The following CLCC1 variants were observed in gnomAD, a reference collection of about 807,000 sequenced individuals.
The protein encoded by CLCC1 is chloride channel CLIC-like protein 1.
A neutral mutation model predicts 63.3 loss-of-function variants in CLCC1; 39 were observed. The observed-to-expected ratio is 0.62, with a 90% CI of 0.48 to 0.81. CLCC1 has a LOEUF of 0.81. Ranked by LOEUF, CLCC1 falls within the 30% of genes least tolerant of loss-of-function variation. The pLI is 0.00. For missense variants in CLCC1, 549 were observed against 669.4 expected, an observed-to-expected ratio of 0.82 and a Z score of 1.98; for synonymous variants, 217 against 239.8, an observed-to-expected ratio of 0.90 and a Z score of 0.88.
intron 10 of CLCC1, among the ~76,000 whole-genome samples, chr1:108,939,017 C>T (rs989404354): frequency 9.9e-5 from 15 of 151,536 alleles, no homozygotes; most frequent in Admixed American, 5.9e-4. Context: ...TCTCATTAAG[C>T]GTGACTTAGC....
chr1:108,949,915 A>G lies in CLCC1; in HGVS notation c.136T>C (p.Tyr46His), dbSNP rs1233083791. 6.3e-7 allele frequency: 1 copy of G among 1,587,894 alleles called. No individual in the cohort carries two copies. Among genetic ancestry groups the G allele is most frequent in the Non-Finnish European group, 8.6e-7 (1 of 1,166,016 alleles). ...SGTMRKSQAK[Y>H]GISGEKDVSP... ...ACATCCTTTTCCCCTGAAATACCAT[A>G]TTTTGCCTAAAACAGAGTATAGAAA... Residue 46 changes from tyrosine to histidine, a missense_variant, in exon 4 of 13, where the codon TAT becomes CAT. Transcript: ENST00000369969.
intron 2 of CLCC1, among the ~76,000 whole-genome samples, chr1:108,952,797 C>CT (rs1655382158): frequency 6.8e-6 from 1 of 147,934 alleles, no homozygotes; most frequent in African/African-American, 2.5e-5. Flanking sequence ...GAGACTCTGC[C>CT]TTTAAAAAAA....
chr1:108,943,646 C>A (rs758796038), intron 6 of CLCC1, 31 bp from the exon 7 acceptor site: 4 of 1,611,316 alleles, frequency 2.5e-6, no homozygotes, highest in Non-Finnish European at 3.4e-6. Context: ...AAATCAGCCA[C>A]CAAAAACACT....
Position 108,940,053 on chromosome 1 carries a change from G to A in CLCC1, c.886C>T (p.Pro296Ser). Residue 296 changes from proline to serine, a missense_variant, in exon 9 of 13, where the codon CCA becomes TCA. Pro to Ser is a moderately conservative substitution (Grantham distance 74). Transcript: ENST00000369969. ...LLVNPIWLVP[P>S]TKALAVTFTT... ...CAAAATATATGCTATACCTTTGTTG[G>A]TGGGACCAACCAAATAGGGTTGACT... The A allele has an allele frequency of 6.2e-7, 1 of 1,610,362 alleles. No individual in the cohort carries two copies. Among genetic ancestry groups the A allele is most frequent in the Non-Finnish European group, 8.5e-7 (1 of 1,177,504 alleles).
chr1:108,947,747 G>A, intron 4 of CLCC1, 29 bp from the exon 5 acceptor site: 1 of 1,435,852 alleles, frequency 7.0e-7, no homozygotes, highest in Non-Finnish European at 9.7e-7. Flanking sequence ...TTCAACATTA[G>A]TTAGAGTCAA....
chr1:108,947,641 CTTAT>C lies in CLCC1; in HGVS notation c.305_308del (p.Asn102ArgfsTer3), dbSNP rs1266780644. On this transcript the variant is annotated frameshift_variant, in exon 5 of 13. Transcript: ENST00000369969. LOFTEE classifies it high-confidence loss of function. ...CAAGCTTTCCAGCTTCAATTAAAAT[CTTAT>C]TTAAGTATCTCCTAAAAACAGGATT... 8 of 1,611,560 alleles carry C rather than the reference CTTAT, an allele frequency of 5.0e-6. No individual in the cohort carries two copies. Among genetic ancestry groups the C allele is most frequent in the Admixed American group, 1.7e-5 (1 of 59,670 alleles).
Position 108,949,847 on chromosome 1 carries a change from A to G in CLCC1, c.204T>C (p.Tyr68=), listed in dbSNP as rs761645768. 5.9e-5 allele frequency: 94 copies of G among 1,585,512 alleles called. No individual in the cohort carries two copies. The highest frequency in any genetic ancestry group is 7.7e-5 in the Non-Finnish European group (90 of 1,168,542). Residue 68 remains tyrosine, a synonymous_variant, in exon 4 of 13, where the codon TAT becomes TAC. Transcript: ENST00000369969. Reference sequence around the variant, plus strand: ...TATAAGTTAAAGAATCAAGTTTGTGATAACATTCTGATATTTCATCAGCAC... The same window carrying G: ...TATAAGTTAAAGAATCAAGTTTGTGGTAACATTCTGATATTTCATCAGCAC... ...LSCADEISEC[Y]HKLDSLTYKI...
chr1:108,957,558 A>G (rs2101719327), intron 2 of CLCC1, among the ~76,000 whole-genome samples: 1 of 151,696 alleles, frequency 6.6e-6, no homozygotes, highest in African/African-American at 2.4e-5. Flanking sequence ...TTTATTTCTT[A>G]TAACATCTCT....
chr1:108,934,762 C>A lies in CLCC1; in HGVS notation c.1564G>T (p.Ala522Ser), dbSNP rs139389429. The change falls in exon 12 of 13, where the codon GCA becomes TCA. Residue 522 changes from alanine to serine, a missense_variant. Transcript: ENST00000369969. Reference protein sequence around the residue: ...AEKAQLKSEAAGSPDQGSTYS... With the variant: ...AEKAQLKSEASGSPDQGSTYS... ...GTGCTGCCTTGGTCTGGGCTGCCTGCGGCTTCAGACTTGAGCTGGGCCTTT... is the reference window on the plus strand; with the variant it reads ...GTGCTGCCTTGGTCTGGGCTGCCTGAGGCTTCAGACTTGAGCTGGGCCTTT... 1 of 1,614,208 alleles carries A rather than the reference C, an allele frequency of 6.2e-7. No homozygotes were observed.
At position 108,957,589 on chromosome 1, in the gene CLCC1, A is replaced by T. The variant is rs778801935; in HGVS notation, c.-12+4720T>A. Among the ~76,000 whole-genome samples, 22 of 151,644 alleles carry T rather than the reference A, an allele frequency of 1.5e-4. 1 individual carries two copies. The highest frequency in any genetic ancestry group is 2.6e-4 in the Non-Finnish European group (18 of 68,044). The stretch of plus-strand genomic sequence containing the variant: ...TCTCTTGCTACTCTAATACAGAAAT[A>T]CACTATAGAAATTGCTGAAAATTTG... On this transcript the variant is annotated intron_variant, in intron 2 of 12. Transcript: ENST00000369969.
chr1:108,937,086 C>G lies in CLCC1; in HGVS notation c.1374G>C (p.Val458=), dbSNP rs186104808. ...PDAEAREHPT[V]VPSHKSPVLD... is the part of the protein sequence containing the mutation. The stretch of plus-strand genomic sequence containing the variant: ...AGAGTTGCTGACTTACACTGGGTAC[C>G]ACCGTGGGATGCTCTCGTGCCTCTG... Residue 458 remains valine, a synonymous_variant, in exon 11 of 13, where the codon GTG becomes GTC. Transcript: ENST00000369969. The G allele has an allele frequency of 6.7e-7, 1 of 1,502,598 alleles. No homozygotes were observed. The highest frequency in any genetic ancestry group is 2.3e-5 in the Admixed American group (1 of 42,870). 93.1% of individuals were successfully genotyped at this position (1,502,598 alleles called of 1,614,324 possible).
At chr1:108,952,776 G>A (rs1043334001) in intron 2 of CLCC1, among the ~76,000 whole-genome samples, 2 of 151,350 alleles carry the variant, frequency 1.3e-5, no homozygotes, top group Admixed American at 1.3e-4. Context: ...CTCCAGCCTG[G>A]GTGACAGAGT....
At position 108,932,421 on chromosome 1, in the gene CLCC1, C is replaced by G. The variant is rs879500380; in HGVS notation, c.*126G>C. ...AATTTGCTTTCATATTTAAGTCTTT[C>G]CTGAATTGCTGTCATCATTCAACAA... is the stretch of plus-strand genomic sequence containing the variant. On this transcript the variant is annotated 3_prime_UTR_variant, in exon 13 of 13. Coordinates refer to ENST00000369969, the MANE Select transcript of CLCC1 (RefSeq NM_001377458.1). 6 of 152,178 alleles carry G rather than the reference C, an allele frequency of 3.9e-5. No homozygotes were observed. The highest frequency in any genetic ancestry group is 8.8e-5 in the Non-Finnish European group (6 of 68,042). The allele number at this position is 152,178 out of a possible 1,614,324, so 9.4% of individuals were successfully genotyped here.
chr1:108,960,894 C>T (rs1377789207), intron 2 of CLCC1, among the ~76,000 whole-genome samples: 2 of 151,822 alleles, frequency 1.3e-5, no homozygotes, highest in Non-Finnish European at 2.9e-5. Context: ...TGCTATGTTG[C>T]CCAGGCTAGT....
rs1553218915 is a variant in CLCC1, at chr1:108,931,726, G to GTC, written c.*820_*821insGA. 8 of 384,582 alleles carry GTC rather than the reference G, an allele frequency of 2.1e-5. No individual in the cohort carries two copies. Among genetic ancestry groups the GTC allele is most frequent in the Non-Finnish European group, 3.3e-5 (8 of 242,690 alleles). The allele number at this position is 384,582 out of a possible 1,614,324, so 23.8% of individuals were successfully genotyped here. On this transcript the variant is annotated 3_prime_UTR_variant, in exon 13 of 13. Coordinates refer to ENST00000369969, the MANE Select transcript of CLCC1 (RefSeq NM_001377458.1). ...CCTGGATAGCATTTTAAAAACTCAG[G>GTC]TAAGTTTCATGGGGTTCTTATAAGA...
In CLCC1 at chr1:108,963,365, G is replaced by A. The variant is rs1042098543; in HGVS notation, c.-177C>T. On this transcript the variant is annotated 5_prime_UTR_variant, in exon 1 of 13. Transcript: ENST00000369969. The stretch of plus-strand genomic sequence containing the variant: ...CACCCAACTGCACGGACTCACGTCC[G>A]GGATCCCCTGCCTGCCTCTCGAGGA... 12 of 701,786 alleles carry A rather than the reference G, an allele frequency of 1.7e-5. No homozygotes were observed. The African/African-American group carries it at 1.7e-4, about 10-fold the overall frequency. The allele number at this position is 701,786 out of a possible 1,614,324, so 43.5% of individuals were successfully genotyped here.
At position 108,934,726 on chromosome 1, in the gene CLCC1, C is replaced by A. The variant is rs148212619; in HGVS notation, c.1600G>T (p.Ala534Ser). ...SPDQGSTYSP[A>S]RGVAGPRGQD... The stretch of plus-strand genomic sequence containing the variant: ...CCACGTGGTCCAGCCACACCTCTTG[C>A]GGGGCTGTATGTGCTGCCTTGGTCT... The change falls in exon 12 of 13, where the codon GCA (alanine) becomes TCA (serine). Residue 534 changes from alanine (A) to serine (S), a missense_variant. Transcript: ENST00000369969. 4 of 1,614,100 alleles carry A rather than the reference C, an allele frequency of 2.5e-6. No homozygotes were observed. Among genetic ancestry groups the A allele is most frequent in the East Asian group, 2.2e-5 (1 of 44,874 alleles).
intron 10 of CLCC1, among the ~76,000 whole-genome samples, chr1:108,939,305 T>C (rs1653483817): frequency 6.8e-6 from 1 of 146,262 alleles, no homozygotes; most frequent in Non-Finnish European, 1.5e-5. Flanking sequence ...TACATATATG[T>C]ATAATTTTTT....
rs781268026 is a variant in CLCC1, at chr1:108,943,869, ATC to A, written c.526_527del (p.Asp176PhefsTer8). The part of the protein sequence containing the change: ...DFETWKWRFE[D>X]SFGVDPYNVL... ...CATTATATGGATCCACTCCAAAGGA[ATC>A]TTCGAATCGCCACTTCCATGTTTCA... is the stretch of plus-strand genomic sequence containing the variant. On this transcript the variant is annotated frameshift_variant, in exon 6 of 13. Coordinates refer to ENST00000369969, the MANE Select transcript of CLCC1 (RefSeq NM_001377458.1). LOFTEE classifies it high-confidence loss of function. The A allele has an allele frequency of 3.7e-6, 6 of 1,613,738 alleles. No individual in the cohort carries two copies. The African/African-American group carries it at 8.0e-5, about 22-fold the overall frequency.
Sources: gnomAD v4.1 joint callset for allele counts (sites outside exome capture counted in the v4.1 genomes callset) on GRCh38, gnomAD v4.1.1 for gene constraint, MANE v1.5 for transcripts, NCBI Gene and HGNC (gene_info 2026-07-23, HGNC 2026-07-21) for gene names.